The following SLCO6A1 variants were observed in gnomAD, a reference collection of about 807,000 sequenced individuals.
The protein encoded by SLCO6A1 is solute carrier organic anion transporter family member 6A1, also known as cancer/testis antigen 48.
SLCO6A1 carries 65 observed loss-of-function variants against 72.7 expected under a neutral mutation model. That is an observed-to-expected ratio of 0.89 (90% CI 0.73 to 1.10). The LOEUF (loss-of-function observed/expected upper bound fraction) is 1.10, where lower values mean the gene tolerates loss of function less well. Ranked by LOEUF, SLCO6A1 falls within the 50% of genes least tolerant of loss-of-function variation. The pLI is 0.00. For synonymous variants in SLCO6A1, 314 were observed against 298.2 expected, an observed-to-expected ratio of 1.05 and a Z score of -0.55; for missense variants, 874 against 872.6, an observed-to-expected ratio of 1.00 and a Z score of -0.02.
chr5:102,483,032 T>C (rs1328578930), intron 1 of SLCO6A1, among the ~76,000 whole-genome samples: 1 of 152,182 alleles, frequency 6.6e-6, no homozygotes, highest in Non-Finnish European at 1.5e-5. Flanking sequence ...TCACCTCTTA[T>C]ATAACCTCCA....
In SLCO6A1 at chr5:102,498,638, T is replaced by A; in HGVS notation, c.207A>T (p.Lys69Asn). 6.2e-7 allele frequency: 1 copy of A among 1,614,192 alleles called. No homozygotes were observed. The highest frequency in any genetic ancestry group is 8.5e-7 in the Non-Finnish European group (1 of 1,180,012). The change falls in exon 1 of 14, where the codon AAA becomes AAT. Residue 69 changes from lysine to asparagine, a missense_variant. By Grantham distance (94) the Lys-to-Asn change is moderately conservative. Coordinates refer to ENST00000506729, the MANE Select transcript of SLCO6A1 (RefSeq NM_173488.5). ...IRFGGFRKRK[K>N]AKSSVSKKPG... The stretch of plus-strand genomic sequence containing the variant: ...GCTTCTTGGAAACTGAGGACTTGGC[T>A]TTTTTCCTTTTTCGGAAACCGCCGA...
chr5:102,449,918 C>T (rs1300328209), intron 6 of SLCO6A1, among the ~76,000 whole-genome samples: 2 of 152,120 alleles, frequency 1.3e-5, no homozygotes, highest in Non-Finnish European at 2.9e-5. Context: ...GAGATTCTTT[C>T]CTCAACCGAT....
At chr5:102,406,814 A>G (rs1277769844) in intron 9 of SLCO6A1, among the ~76,000 whole-genome samples, 1 of 152,220 alleles carries the variant, frequency 6.6e-6, no homozygotes, top group Non-Finnish European at 1.5e-5. Context: ...TGGGTTTAAC[A>G]GCAGAGCAGA....
intron 1 of SLCO6A1, among the ~76,000 whole-genome samples, chr5:102,488,900 T>A (rs1234425048): frequency 6.6e-6 from 1 of 152,144 alleles, no homozygotes; most frequent in African/African-American, 2.4e-5. Context: ...AAATGAGGAT[T>A]TAAGAATTAG....
chr5:102,487,350 C>A (rs79491090), intron 1 of SLCO6A1, among the ~76,000 whole-genome samples: 4,758 of 152,118 alleles, frequency 0.031, 235 homozygotes, highest in African/African-American at 0.11. Context: ...ATAGCACATG[C>A]CATTTTTGAT....
chr5:102,412,094 G>A (rs1470878762), intron 9 of SLCO6A1, among the ~76,000 whole-genome samples: 2 of 151,590 alleles, frequency 1.3e-5, no homozygotes, highest in African/African-American at 2.4e-5. Flanking sequence ...ACCAATTGTC[G>A]ACCAGAAAAT....
At chr5:102,433,727 T>C (rs1749346988) in intron 7 of SLCO6A1, among the ~76,000 whole-genome samples, 1 of 152,244 alleles carries the variant, frequency 6.6e-6, no homozygotes, top group Middle Eastern at 3.4e-3. Flanking sequence ...ATGGGATCCA[T>C]CCTGTTTGCA....
At chr5:102,431,025 G>C (rs1749188022) in intron 7 of SLCO6A1, among the ~76,000 whole-genome samples, 2 of 152,142 alleles carry the variant, frequency 1.3e-5, no homozygotes, top group South Asian at 4.2e-4. Context: ...AGTCTTGAGA[G>C]GCTTTATGTG....
At chr5:102,438,887 TGATA>T (rs35402021) in intron 6 of SLCO6A1, 126 bp from the exon 7 acceptor site, 298,575 of 487,656 alleles carry the variant, frequency 0.61, 94,814 homozygotes, top group African/African-American at 0.65. Context: ...AAAAGATAAT[TGATA>T]GATAGATGAT....
chr5:102,405,154 A>G lies in SLCO6A1; in HGVS notation c.1627-5412T>C, dbSNP rs879741969. Among the ~76,000 whole-genome samples the G allele has an allele frequency of 4.6e-5, 7 of 152,276 alleles. No individual in the cohort carries two copies. The East Asian group carries it at 1.3e-3, about 29-fold the overall frequency. ...CTCATCCCTCCAACTGATTACAAAT[A>G]AAAACTCTGGCTAAAATATGCAAAA... On this transcript the variant is annotated intron_variant, in intron 9 of 13. Coordinates refer to ENST00000506729, the MANE Select transcript of SLCO6A1 (RefSeq NM_173488.5).
intron 6 of SLCO6A1, among the ~76,000 whole-genome samples, chr5:102,457,071 C>G (rs1459527576): frequency 6.6e-6 from 1 of 152,104 alleles, no homozygotes; most frequent in Admixed American, 6.6e-5. Flanking sequence ...GAAACTGGAT[C>G]CCTTCCTTAC....
chr5:102,399,887 A>G (rs1747306867), intron 9 of SLCO6A1, 145 bp from the exon 10 acceptor site: 2 of 533,050 alleles, frequency 3.8e-6, no homozygotes, highest in Admixed American at 3.6e-5. Context: ...CCTGCTATGT[A>G]TTATTTAGAA....
At chr5:102,382,180 A>T (rs1580038) in intron 12 of SLCO6A1, among the ~76,000 whole-genome samples, 43,540 of 151,586 alleles carry the variant, frequency 0.29, 6,238 homozygotes, top group Non-Finnish European at 0.31. Flanking sequence ...TTTTGTATAT[A>T]GCATGAGTTC....
At chr5:102,401,711 G>A (rs1419941747) in intron 9 of SLCO6A1, among the ~76,000 whole-genome samples, 6 of 152,034 alleles carry the variant, frequency 3.9e-5, no homozygotes, top group African/African-American at 7.2e-5. Context: ...TTTTAGTCAA[G>A]GGAGGCAGTC....
At chr5:102,454,918 C>T (rs1750620753) in intron 6 of SLCO6A1, among the ~76,000 whole-genome samples, 1 of 149,786 alleles carries the variant, frequency 6.7e-6, no homozygotes, top group South Asian at 2.1e-4. Flanking sequence ...AAAAGATAAA[C>T]ACAGAATAGA....
chr5:102,440,295 T>C (rs1168774390), intron 6 of SLCO6A1, among the ~76,000 whole-genome samples: 2 of 151,930 alleles, frequency 1.3e-5, no homozygotes, highest in Non-Finnish European at 2.9e-5. Context: ...CAGCAGGAGG[T>C]GAGTGGCAGG....
intron 9 of SLCO6A1, among the ~76,000 whole-genome samples, chr5:102,400,452 G>A (rs992485275): frequency 6.6e-6 from 1 of 152,012 alleles, no homozygotes; most frequent in African/African-American, 2.4e-5. Flanking sequence ...AGTGTCTAGA[G>A]TCAATGAGAT....
chr5:102,387,038 C>A (rs1378904975), intron 12 of SLCO6A1, among the ~76,000 whole-genome samples: 1 of 152,072 alleles, frequency 6.6e-6, no homozygotes, highest in African/African-American at 2.4e-5. Flanking sequence ...AGTGTAATGT[C>A]TCTAGCTCTC....
At position 102,480,401 on chromosome 5, in the gene SLCO6A1, C is replaced by T. The variant is rs1365520205; in HGVS notation, c.392G>A (p.Gly131Asp). ...CAGTTGATATTCCTTCTGAAAATCG[C>T]CAATGCTGACATCTATAAGACCAAA... ...VVFGLIDVSI[G>D]DFQKEYQLKT... The change falls in exon 2 of 14, where the codon GGC becomes GAC. Residue 131 changes from glycine to aspartate, a missense_variant. Gly to Asp is a moderately conservative substitution (Grantham distance 94). Coordinates refer to ENST00000506729, the MANE Select transcript of SLCO6A1 (RefSeq NM_173488.5). 6.2e-7 allele frequency: 1 copy of T among 1,613,090 alleles called. No homozygotes were observed. The highest frequency in any genetic ancestry group is 8.5e-7 in the Non-Finnish European group (1 of 1,179,562).
Sources: gnomAD v4.1 joint callset for allele counts (sites outside exome capture counted in the v4.1 genomes callset) on GRCh38, gnomAD v4.1.1 for gene constraint, MANE v1.5 for transcripts, NCBI Gene and HGNC (gene_info 2026-07-23, HGNC 2026-07-21) for gene names.